Variants in ZNF225 observed in about 807,000 individuals in gnomAD.
ZNF225 encodes the protein zinc finger protein 225.
Under a neutral mutation model 12.0 loss-of-function variants are expected in ZNF225, and 6 were observed. That is an observed-to-expected ratio of 0.50 (90% CI 0.27 to 0.98). The LOEUF is 0.98. ZNF225 is among the 50% of genes least tolerant of loss of function. The pLI is 0.11. For missense variants in ZNF225, 763 were observed against 848.2 expected, an observed-to-expected ratio of 0.90 and a Z score of 1.25; for synonymous variants, 271 against 283.2, an observed-to-expected ratio of 0.96 and a Z score of 0.43.
chr19:44,114,653 G>C (rs1418144660), intron 1 of ZNF225, among the ~76,000 whole-genome samples: 2 of 152,144 alleles, frequency 1.3e-5, no homozygotes, highest in Non-Finnish European at 2.9e-5. Context: ...TGGGATTACA[G>C]GTGCCTGCCA....
intron 4 of ZNF225, chr19:44,128,753 C>A (rs538099334): frequency 6.5e-6 from 2 of 308,612 alleles, no homozygotes; most frequent in Admixed American, 9.9e-5. Flanking sequence ...CTGTTTGTCA[C>A]GATGCTATGA....
At chr19:44,119,824 A>G (rs1968016479) in intron 4 of ZNF225, among the ~76,000 whole-genome samples, 1 of 152,162 alleles carries the variant, frequency 6.6e-6, no homozygotes, top group African/African-American at 2.4e-5. Context: ...TTTCTGTCTG[A>G]TCAGAATACT....
chr19:44,116,002 C>G (rs1967935102), intron 2 of ZNF225, among the ~76,000 whole-genome samples, 160 bp downstream of exon 2: 1 of 152,154 alleles, frequency 6.6e-6, no homozygotes, highest in Admixed American at 6.5e-5. Flanking sequence ...GCTGGGACTA[C>G]AGGCACACAC....
Position 44,118,217 on chromosome 19 carries a change from G to T in ZNF225, c.45G>T (p.Val15=). The change falls in exon 3 of 5, where the codon GTG becomes GTT. Residue 15 remains valine, a synonymous_variant. Transcript: ENST00000262894. ...CAGTGACCTTCAAGGACGTGGCTGT[G>T]GTCTTCACTGAGGAAGAGCTGAGGC... The part of the protein sequence containing the change: ...KEAVTFKDVA[V]VFTEEELRLL... 2.5e-6 allele frequency: 4 copies of T among 1,612,996 alleles called. No individual in the cohort carries two copies. Among genetic ancestry groups the T allele is most frequent in the Non-Finnish European group, 3.4e-6 (4 of 1,179,494 alleles).
Position 44,134,127 on chromosome 19 carries a change from G to C in ZNF225, c.*1392G>C, listed in dbSNP as rs369767189. On this transcript the variant is annotated 3_prime_UTR_variant, in exon 5 of 5. Transcript: ENST00000262894. The stretch of plus-strand genomic sequence containing the variant: ...ATACAAATAATCAGCAAAGGGAAAA[G>C]GTTCTTGTATAATATCTGGAGGGAA... 1.1e-4 allele frequency: 16 copies of C among 152,184 alleles called. No homozygotes were observed. The highest frequency in any genetic ancestry group is 2.1e-4 in the Non-Finnish European group (14 of 68,008). 9.4% of individuals were successfully genotyped at this position (152,184 alleles called of 1,614,324 possible).
chr19:44,118,614 C>T, intron 4 of ZNF225, 40 bp downstream of exon 4: 9 of 1,580,736 alleles, frequency 5.7e-6, no homozygotes, highest in African/African-American at 1.3e-5. Context: ...GCGTGACTCT[C>T]CCATCGGTTT....
At chr19:44,130,376 G>A in intron 4 of ZNF225, 1 of 152,988 alleles carries the variant, frequency 6.5e-6, no homozygotes, top group Non-Finnish European at 1.4e-5. Context: ...TCCAGCCTGG[G>A]TGACAGAGGG....
At position 44,132,400 on chromosome 19, in the gene ZNF225, T is replaced by C; in HGVS notation, c.1786T>C (p.Phe596Leu). 6.8e-6 allele frequency: 11 copies of C among 1,614,238 alleles called. No homozygotes were observed. Among genetic ancestry groups the C allele is most frequent in the Non-Finnish European group, 9.3e-6 (11 of 1,180,026 alleles). Reference sequence around the variant, plus strand: ...GAGACTCCATGGTGATGAAAAGCCATTCAAATGTGAAGAGTGTGGGAAGAG... The same window carrying C: ...GAGACTCCATGGTGATGAAAAGCCACTCAAATGTGAAGAGTGTGGGAAGAG... ...HKRLHGDEKP[F>L]KCEECGKRFT... Residue 596 changes from phenylalanine (F) to leucine (L), a missense_variant, in exon 5 of 5, where the codon TTC becomes CTC. Coordinates refer to ENST00000262894, the MANE Select transcript of ZNF225 (RefSeq NM_013362.4).
In ZNF225 at chr19:44,118,307, C is replaced by A. The variant is rs919505701; in HGVS notation, c.135C>A (p.Leu45=). Residue 45 remains leucine (L), a synonymous_variant, in exon 3 of 5, where the codon CTC becomes CTA. Transcript: ENST00000262894. Reference sequence around the variant, plus strand: ...TGCTGGAGAACTTCAGGAACCTGCTCTCAGTGGGTGAGGACAGGCACCCTT... The same window carrying A: ...TGCTGGAGAACTTCAGGAACCTGCTATCAGTGGGTGAGGACAGGCACCCTT... ...EVMLENFRNL[L]SVGHQSLHRD... 6.2e-7 allele frequency: 1 copy of A among 1,612,820 alleles called. No individual in the cohort carries two copies. Among genetic ancestry groups the A allele is most frequent in the African/African-American group, 1.3e-5 (1 of 74,914 alleles).
Position 44,131,624 on chromosome 19 carries a change from T to G in ZNF225, c.1010T>G (p.Val337Gly), listed in dbSNP as rs561469199. ...LKSALNSHRM[V>G]HTGEKRYKCE... ...TCAGCACTTAATAGTCATCGCATGG[T>G]CCACACAGGAGAGAAACGGTACAAA... Residue 337 changes from valine to glycine, a missense_variant, in exon 5 of 5, where the codon GTC becomes GGC. Val to Gly is a moderately radical substitution (Grantham distance 109). Transcript: ENST00000262894. The G allele has an allele frequency of 6.2e-7, 1 of 1,614,092 alleles. No homozygotes were observed. Among genetic ancestry groups the G allele is most frequent in the Admixed American group, 1.7e-5 (1 of 60,010 alleles).
In ZNF225 at chr19:44,118,196, G is replaced by C; in HGVS notation, c.24G>C (p.Val8=). 1.2e-6 allele frequency: 2 copies of C among 1,611,990 alleles called. No individual in the cohort carries two copies. Among genetic ancestry groups the C allele is most frequent in the Non-Finnish European group, 8.5e-7 (1 of 1,179,048 alleles). MTTLKEA[V]TFKDVAVVFT... ...TATGTTCGATGCTGTAGGAGGCAGT[G>C]ACCTTCAAGGACGTGGCTGTGGTCT... Residue 8 remains valine (V), a synonymous_variant, in exon 3 of 5, where the codon GTG becomes GTC. Transcript: ENST00000262894.
intron 4 of ZNF225, among the ~76,000 whole-genome samples, chr19:44,128,151 TCTTTC>T (rs1968184542): frequency 6.9e-6 from 1 of 144,054 alleles, no homozygotes; most frequent in African/African-American, 3.0e-5. Flanking sequence ...CCCCGGTTTC[TCTTTC>T]CTTCTCCTAG....
intron 4 of ZNF225, chr19:44,128,869 G>A (rs1968195477): frequency 2.5e-6 from 1 of 400,534 alleles, no homozygotes; most frequent in Admixed American, 4.4e-5. Flanking sequence ...TGGGTATAAA[G>A]GTCTGTTTCT....
At chr19:44,123,549 A>C (rs1968093305) in intron 4 of ZNF225, among the ~76,000 whole-genome samples, 1 of 152,134 alleles carries the variant, frequency 6.6e-6, no homozygotes, top group Admixed American at 6.5e-5. Flanking sequence ...ATCTTGTGAA[A>C]TAGCGTCAAA....
At chr19:44,124,658 T>C (rs191884695) in intron 4 of ZNF225, among the ~76,000 whole-genome samples, 4 of 152,352 alleles carry the variant, frequency 2.6e-5, no homozygotes. Context: ...CCACATTTCT[T>C]AGGTCTATTA....
Position 44,131,869 on chromosome 19 carries a change from CAG to C in ZNF225, c.1260_1261del (p.Arg420SerfsTer9). 6.2e-7 allele frequency: 1 copy of C among 1,614,034 alleles called. No homozygotes were observed. Among genetic ancestry groups the C allele is most frequent in the Admixed American group, 1.7e-5 (1 of 60,012 alleles). ...TACAAATTCACAACGTTATTCTCAC[CAG>C]AGAGCGCACAGTGGAGAAAAGCCAT... ...FYTNSQRYSH[Q>X]RAHSGEKPYR... On this transcript the variant is annotated frameshift_variant, in exon 5 of 5. Coordinates refer to ENST00000262894, the MANE Select transcript of ZNF225 (RefSeq NM_013362.4). LOFTEE classifies it low-confidence loss of function (END_TRUNC).
At chr19:44,126,393 G>C (rs962570502) in intron 4 of ZNF225, among the ~76,000 whole-genome samples, 1 of 152,186 alleles carries the variant, frequency 6.6e-6, no homozygotes, top group African/African-American at 2.4e-5. Flanking sequence ...GATATGAACT[G>C]TCTGTGGGTC....
intron 4 of ZNF225, among the ~76,000 whole-genome samples, chr19:44,127,493 A>G (rs1264258907): frequency 1.3e-5 from 2 of 152,134 alleles, no homozygotes; most frequent in Non-Finnish European, 2.9e-5. Context: ...AAAATTCGCA[A>G]TGGGAGACTC....
Position 44,132,687 on chromosome 19 carries a change from G to A in ZNF225, c.2073G>A (p.Arg691=), listed in dbSNP as rs1450863688. ...AGGACTGTGGGAAGCGCTACAAGAG[G>A]CGCTTGAATCTTGATACGCTTTTGT... is the stretch of plus-strand genomic sequence containing the variant. ...KCEDCGKRYK[R]RLNLDTLLSL... The change falls in exon 5 of 5, where the codon AGG becomes AGA. Residue 691 remains arginine (R), a synonymous_variant. Transcript: ENST00000262894. The A allele has an allele frequency of 1.9e-6, 3 of 1,608,390 alleles. No individual in the cohort carries two copies. Among genetic ancestry groups the A allele is most frequent in the Non-Finnish European group, 2.5e-6 (3 of 1,178,530 alleles).
Sources: allele counts gnomAD v4.1 joint callset (sites outside exome capture counted in the v4.1 genomes callset), GRCh38; gene constraint gnomAD v4.1.1; transcripts MANE v1.5; gene names NCBI Gene and HGNC (gene_info 2026-07-23, HGNC 2026-07-21).